The following MROH7 variants were observed in gnomAD, a reference collection of about 807,000 sequenced individuals.
The protein encoded by MROH7 is maestro heat-like repeat-containing protein family member 7.
MROH7 carries 113 observed loss-of-function variants against 129.2 expected under a neutral mutation model. The observed-to-expected ratio is 0.87, with a 90% confidence interval of 0.75 to 1.02. The LOEUF (loss-of-function observed/expected upper bound fraction) is 1.02, where lower values mean the gene tolerates loss of function less well. Among genes scored for constraint, MROH7 ranks in the 50% least tolerant of loss-of-function variants. The pLI, the probability that MROH7 is intolerant of heterozygous loss-of-function variation, is 0.00. For missense variants in MROH7, 1,601 were observed against 1,671.3 expected (o/e 0.96, Z 0.73); for synonymous variants, 655 against 667.9 (o/e 0.98, Z 0.30).
At chr1:54,650,513 C>T (rs1321918462) in intron 1 of MROH7, among the ~76,000 whole-genome samples, 1 of 151,390 alleles carries the variant, frequency 6.6e-6, no homozygotes, top group African/African-American at 2.4e-5. Flanking sequence ...TTTCCTCCTC[C>T]TTTCCCTCTG....
At chr1:54,679,180 G>A (rs2101128884) in intron 11 of MROH7, 83 bp from the exon 12 acceptor site, 2 of 1,394,120 alleles carry the variant, frequency 1.4e-6, no homozygotes, top group Non-Finnish European at 2.0e-6. Context: ...GTCAGGCAGT[G>A]TTTGTGCCTC....
Position 54,678,003 on chromosome 1 carries a change from A to G in MROH7, c.1937-739A>G, listed in dbSNP as rs572838822. Among the ~76,000 whole-genome samples the G allele has an allele frequency of 2.0e-5, 3 of 152,330 alleles. No homozygotes were observed. In the South Asian group the frequency reaches 6.2e-4, roughly 32 times the overall value. On this transcript the variant is annotated intron_variant, in intron 10 of 23. Coordinates refer to ENST00000421030, the MANE Select transcript of MROH7 (RefSeq NM_001039464.4). ...GGGGTAGGGGATTGCAGTTTAAAAG[A>G]GGTATTGCCACACATCCACCAGAAT...
At chr1:54,688,787 G>A (rs1645190062) in intron 15 of MROH7, among the ~76,000 whole-genome samples, 1 of 152,174 alleles carries the variant, frequency 6.6e-6, no homozygotes, top group South Asian at 2.1e-4. Flanking sequence ...GGGCTCTGGG[G>A]AAAACACAAG....
chr1:54,673,981 A>G, intron 9 of MROH7, 35 bp from the exon 10 acceptor site: 1 of 1,610,544 alleles, frequency 6.2e-7, no homozygotes, highest in South Asian at 1.1e-5. Flanking sequence ...TATTGAACCT[A>G]TAACACTCAA....
intron 21 of MROH7, among the ~76,000 whole-genome samples, chr1:54,704,309 G>A (rs915672718): frequency 2.0e-5 from 3 of 152,040 alleles, no homozygotes; most frequent in Non-Finnish European, 4.4e-5. Context: ...TGGAAGTGGT[G>A]GTCCCTGAGC....
At chr1:54,697,955 C>T in intron 17 of MROH7, 1 of 398,552 alleles carries the variant, frequency 2.5e-6, no homozygotes. Context: ...TGACCAGCAG[C>T]CCTTCCGCCC....
At chr1:54,649,424 C>T (rs143395894) in intron 1 of MROH7, among the ~76,000 whole-genome samples, 125 of 152,370 alleles carry the variant, frequency 8.2e-4, no homozygotes, top group African/African-American at 2.6e-3. Flanking sequence ...TCAAGAGCCA[C>T]GGCTCCTCCT....
At chr1:54,676,449 G>A (rs980935448) in intron 10 of MROH7, among the ~76,000 whole-genome samples, 22 of 151,842 alleles carry the variant, frequency 1.4e-4, no homozygotes, top group Non-Finnish European at 2.8e-4. Context: ...TAGCTCTGTT[G>A]CCCAGGCTGG....
At chr1:54,663,778 G>T (rs539312132) in intron 3 of MROH7, 7 of 454,968 alleles carry the variant, frequency 1.5e-5, no homozygotes, top group African/African-American at 1.4e-4. Context: ...GTTCATCCTG[G>T]ACTTTCCCTG....
At chr1:54,642,246 G>A (rs921015216) in intron 1 of MROH7, among the ~76,000 whole-genome samples, 5 of 152,164 alleles carry the variant, frequency 3.3e-5, no homozygotes, top group Non-Finnish European at 7.3e-5. Context: ...CAGGCCCTGC[G>A]ATCATCACTT....
rs897526352 is a variant in MROH7, at chr1:54,679,531, C to T, written c.2226+92C>T. The T allele has an allele frequency of 1.4e-5, 19 of 1,399,272 alleles. No homozygotes were observed. In the East Asian group the frequency reaches 4.2e-4, roughly 31 times the overall value. 86.7% of individuals were successfully genotyped at this position (1,399,272 alleles called of 1,614,324 possible). A position where few individuals can be genotyped will look rare whatever the true frequency, so the allele number is the denominator to read the frequency against. On this transcript the variant is annotated intron_variant, in intron 12 of 23. Transcript: ENST00000421030. ...CATCACTGGCCGGCCAGACAGTGGG[C>T]AGGGTGGGGTATACCTGAACCCCCT... is the stretch of plus-strand genomic sequence containing the variant.
At position 54,673,677 on chromosome 1, in the gene MROH7, T is replaced by G. The variant is rs1305614218; in HGVS notation, c.1696-24T>G. The G allele has an allele frequency of 1.9e-6, 3 of 1,577,130 alleles. No homozygotes were observed. The African/African-American group carries it at 4.0e-5, about 21-fold the overall frequency. On this transcript the variant is annotated intron_variant, in intron 8 of 23. Transcript: ENST00000421030. ...GGGGCTGTCATCTAACCTGTAGTTC[T>G]GAGTCTTGCTTTTGATCCCACAGGC...
chr1:54,650,896 G>A (rs11576062), intron 1 of MROH7, among the ~76,000 whole-genome samples: 12,233 of 152,070 alleles, frequency 0.08, 608 homozygotes, highest in Middle Eastern at 0.18. Flanking sequence ...GCTAATTTTT[G>A]TATTTTTTTG....
intron 3 of MROH7, among the ~76,000 whole-genome samples, chr1:54,655,506 GACT>G (rs1344963887): frequency 6.6e-6 from 1 of 151,870 alleles, no homozygotes; most frequent in Non-Finnish European, 1.5e-5. Context: ...GAGTAGCTAG[GACT>G]ACAGGTGCAC....
intron 15 of MROH7, 102 bp downstream of exon 15, chr1:54,686,550 C>G: frequency 9.3e-7 from 1 of 1,071,616 alleles, no homozygotes; most frequent in Non-Finnish European, 1.3e-6. Context: ...CAATAGAAAT[C>G]AGCTTTGGGA....
chr1:54,661,888 C>A (rs1163856970), intron 3 of MROH7, among the ~76,000 whole-genome samples: 1 of 152,006 alleles, frequency 6.6e-6, no homozygotes, highest in East Asian at 2.0e-4. Context: ...GAGCCACCGC[C>A]CCTGGCCTTA....
intron 3 of MROH7, among the ~76,000 whole-genome samples, chr1:54,654,489 T>A (rs1243783550): frequency 6.6e-6 from 1 of 151,978 alleles, no homozygotes; most frequent in Non-Finnish European, 1.5e-5. Flanking sequence ...CTGGCCAACA[T>A]GGTGAAACCC....
intron 3 of MROH7, chr1:54,663,904 T>C: frequency 2.6e-6 from 1 of 379,202 alleles, no homozygotes. Flanking sequence ...GTGTATCTAC[T>C]TCTCCATCCT....
rs1185152627 is a variant in MROH7, at chr1:54,678,806, G to T, written c.2001G>T (p.Gly667=). 1 of 1,614,112 alleles carries T rather than the reference G, an allele frequency of 6.2e-7. No individual in the cohort carries two copies. The highest frequency in any genetic ancestry group is 2.2e-5 in the East Asian group (1 of 44,872). The stretch of plus-strand genomic sequence containing the variant: ...ATGAGAGCAACAAGCATTTCCTGGG[G>T]CCCTACAACCCTGTGAGCCCGTGCC... The part of the protein sequence containing the change: ...ELYESNKHFL[G]PYNPVSPCQN... Residue 667 remains glycine (G), a synonymous_variant, in exon 11 of 24, where the codon GGG becomes GGT. Transcript: ENST00000421030.
Sources: gnomAD v4.1 joint callset for allele counts (sites outside exome capture counted in the v4.1 genomes callset) on GRCh38, gnomAD v4.1.1 for gene constraint, MANE v1.5 for transcripts, NCBI Gene and HGNC (gene_info 2026-07-23, HGNC 2026-07-21) for gene names.